CENPI: variants seen among roughly 807,000 people sequenced by gnomAD.
CENPI encodes FSH primary response 1.
In CENPI, 4 loss-of-function variants were observed where a neutral mutation model predicts 60.4. The ratio of observed to expected loss-of-function variants is 0.07; its 90% CI spans 0.03 to 0.15. The LOEUF (loss-of-function observed/expected upper bound fraction) is 0.15, where lower values mean the gene tolerates loss of function less well. CENPI is among the 10% of genes least tolerant of loss of function. The pLI, the probability that CENPI is intolerant of heterozygous loss-of-function variation, is 1.00. For missense variants in CENPI, 444 were observed against 534.5 expected (o/e 0.83, Z 1.67); for synonymous variants, 157 against 189.4 (o/e 0.83, Z 1.40).
intron 8 of CENPI, 45 bp downstream of exon 8, chrX:101,120,829 A>G: frequency 9.7e-7 from 1 of 1,033,584 alleles, no homozygotes; most frequent in Admixed American, 2.3e-5. Context: ...ACTATGTGCC[A>G]GGTACTGAGC....
chrX:101,171,505 C>T, the CENPI span, among the ~76,000 whole-genome samples: 119 of 111,702 alleles, frequency 1.1e-3, no homozygotes, highest in African/African-American at 3.6e-3. Flanking sequence ...GGCGCAAACA[C>T]GGCTCATTGC....
At chrX:101,100,752 T>C (rs997581689) in intron 2 of CENPI, 52 of 222,453 alleles carry the variant, frequency 2.3e-4, no homozygotes, top group Non-Finnish European at 3.6e-4. Context: ...CCCACTTATA[T>C]GACATAGCCA....
At chrX:101,104,350 T>G (rs1477395886) in intron 4 of CENPI, among the ~76,000 whole-genome samples, 2 of 112,342 alleles carry the variant, frequency 1.8e-5, no homozygotes, top group Non-Finnish European at 3.8e-5. Context: ...TTGGAAGAGG[T>G]TCTTAGAAAT....
At chrX:101,170,529 AAG>A, downstream of CENPI, among the ~76,000 whole-genome samples, 1 of 112,562 alleles carries the variant, frequency 8.9e-6, no homozygotes, top group Non-Finnish European at 1.9e-5. Flanking sequence ...TGTTTTAAAA[AAG>A]TAGACAATCT....
rs373394632 is a variant in CENPI, at chrX:101,126,736, T to C, written c.715T>C (p.Leu239=). 67 of 1,209,662 alleles carry C rather than the reference T, an allele frequency of 5.5e-5. No homozygotes were observed. Among genetic ancestry groups the C allele is most frequent in the Non-Finnish European group, 7.5e-5 (67 of 893,620 alleles). ...AATGCAGCCTCATCTCCAGGCTTTG[T>C]TGTCACTGTATAAGTTCTTTGCTCC... ...MGMQPHLQAL[L]SLYKFFAPAL... Residue 239 remains leucine, a synonymous_variant, in exon 9 of 22, where the codon TTG becomes CTG. Coordinates refer to ENST00000682095, the MANE Select transcript of CENPI (RefSeq NM_001386188.2).
chrX:101,171,706 C>T, the CENPI span, among the ~76,000 whole-genome samples: 3 of 112,006 alleles, frequency 2.7e-5, no homozygotes, highest in Non-Finnish European at 3.8e-5. Context: ...GCATTACAGG[C>T]GTGTGCCACT....
intron 18 of CENPI, among the ~76,000 whole-genome samples, chrX:101,146,867 T>C (rs2089966470): frequency 9.0e-6 from 1 of 110,880 alleles, no homozygotes; most frequent in Admixed American, 9.7e-5. Flanking sequence ...CCCGAGTAGC[T>C]GGGATTACAG....
chrX:101,102,387 A>G lies in CENPI; in HGVS notation c.340A>G (p.Asn114Asp), dbSNP rs768642126. 4.9e-5 allele frequency: 58 copies of G among 1,185,745 alleles called. No homozygotes were observed. In the East Asian group the frequency reaches 1.7e-3, roughly 36 times the overall value. The change falls in exon 4 of 22, where the codon AAT becomes GAT. Residue 114 changes from asparagine to aspartate, a missense_variant. By Grantham distance (23) the Asn-to-Asp change is conservative (BLOSUM62 1). Coordinates refer to ENST00000682095, the MANE Select transcript of CENPI (RefSeq NM_001386188.2). ...TTCAGAAGAAATTGATATTCTATTA[A>G]ATATTGCACTCAGTGGCAAATTTGG... Reference protein sequence around the residue: ...LASEEIDILLNIALSGKFGNA... With the variant: ...LASEEIDILLDIALSGKFGNA...
At position 101,135,322 on chromosome X, in the gene CENPI, C is replaced by T. The variant is rs142232900; in HGVS notation, c.1470+2866C>T. 4.8e-3 allele frequency among the ~76,000 whole-genome samples: 536 copies of T among 110,550 alleles called. 2 individuals are homozygous for T. The highest frequency in any genetic ancestry group is 0.017 in the African/African-American group (514 of 30,460). ...ACTGGTGTAACTGAGGTATTGATGGCAGGACATGATGCAGAGTTCTAAGGT... is the reference window on the plus strand; with the variant it reads ...ACTGGTGTAACTGAGGTATTGATGGTAGGACATGATGCAGAGTTCTAAGGT... On this transcript the variant is annotated intron_variant, in intron 15 of 21. Coordinates refer to ENST00000682095, the MANE Select transcript of CENPI (RefSeq NM_001386188.2).
chrX:101,143,069 C>CAA (rs5903179), intron 16 of CENPI, among the ~76,000 whole-genome samples: 11,983 of 64,584 alleles, frequency 0.19, 1,158 homozygotes, highest in Non-Finnish European at 0.22. Flanking sequence ...GACTCCATCT[C>CAA]AAAAAAAAAA....
chrX:101,101,394 C>T (rs2089414981), intron 3 of CENPI, 98 bp downstream of exon 3: 3 of 613,258 alleles, frequency 4.9e-6, no homozygotes, highest in East Asian at 7.0e-5. Flanking sequence ...TAATTTTGCT[C>T]ATTCATGCTT....
intron 6 of CENPI, among the ~76,000 whole-genome samples, chrX:101,113,282 TACACACAC>T (rs533672702): frequency 0.28 from 23,851 of 83,705 alleles, 2,980 homozygotes; most frequent in Middle Eastern, 0.42. Flanking sequence ...TCCATCCCTT[TACACACAC>T]ACACACACAC....
chrX:101,116,434 G>A (rs1482552878), intron 6 of CENPI, among the ~76,000 whole-genome samples: 1 of 111,250 alleles, frequency 9.0e-6, no homozygotes, highest in Non-Finnish European at 1.9e-5. Context: ...GATGTGCATA[G>A]ATTATATGCA....
chrX:101,149,909 G>T (rs962055510), intron 20 of CENPI, among the ~76,000 whole-genome samples: 4 of 110,620 alleles, frequency 3.6e-5, no homozygotes, highest in African/African-American at 1.3e-4. Context: ...AAATAGTTCT[G>T]ATATACAACA....
intron 8 of CENPI, among the ~76,000 whole-genome samples, chrX:101,124,090 A>AGT (rs397842781): frequency 0.12 from 10,799 of 88,049 alleles, 653 homozygotes; most frequent in East Asian, 0.28. Context: ...TATAGAATCA[A>AGT]GTGTGTGTGT....
rs181351381 is a variant in CENPI, at chrX:101,101,775, G to A, written c.226+479G>A. On this transcript the variant is annotated intron_variant, in intron 3 of 21. Coordinates refer to ENST00000682095, the MANE Select transcript of CENPI (RefSeq NM_001386188.2). The stretch of plus-strand genomic sequence containing the variant: ...AGTGCTTTTAGTTTAGAATAGGAAT[G>A]TCAGGGCATAATCCAGCTTTCCTCA... 1.2e-3 allele frequency among the ~76,000 whole-genome samples: 138 copies of A among 112,486 alleles called. 1 individual carries two copies. The highest frequency in any genetic ancestry group is 4.2e-3 in the African/African-American group (130 of 31,047).
At chrX:101,170,920 T>G (rs772838851), downstream of CENPI, among the ~76,000 whole-genome samples, 5 of 111,977 alleles carry the variant, frequency 4.5e-5, no homozygotes, top group African/African-American at 6.5e-5. Flanking sequence ...AGTGAGCCAC[T>G]GCACCTGGCC....
At position 101,130,129 on chromosome X, in the gene CENPI, G is replaced by C. The variant is rs2089780402; in HGVS notation, c.1287+56G>C. ...ACCACTCTTTACTAAAATTTATTTA[G>C]ATATCCATTGAAAACCTTTTCTTGC... On this transcript the variant is annotated intron_variant, in intron 13 of 21. Coordinates refer to ENST00000682095, the MANE Select transcript of CENPI (RefSeq NM_001386188.2). The C allele has an allele frequency of 4.5e-6, 4 of 896,793 alleles. No individual in the cohort carries two copies. The Admixed American group carries it at 9.2e-5, about 21-fold the overall frequency. The allele number at this position is 896,793 out of a possible 1,213,427, so 73.9% of individuals were successfully genotyped here.
In CENPI at chrX:101,120,727, A is replaced by G. The variant is rs762536251; in HGVS notation, c.641-11A>G. ...CAAATGCATAGTACGTCTTTCCTTTATGTTTTCTAGTCAAACCATTTCGTG... is the reference window on the plus strand; with the variant it reads ...CAAATGCATAGTACGTCTTTCCTTTGTGTTTTCTAGTCAAACCATTTCGTG... On this transcript the variant is annotated splice_polypyrimidine_tract_variant and intron_variant, in intron 7 of 21. Coordinates refer to ENST00000682095, the MANE Select transcript of CENPI (RefSeq NM_001386188.2). The G allele has an allele frequency of 1.4e-5, 17 of 1,203,787 alleles. No homozygotes were observed. Among genetic ancestry groups the G allele is most frequent in the South Asian group, 1.1e-4 (6 of 56,340 alleles).
Sources: allele counts gnomAD v4.1 joint callset (sites outside exome capture counted in the v4.1 genomes callset), GRCh38; gene constraint gnomAD v4.1.1; transcripts MANE v1.5; gene names NCBI Gene and HGNC (gene_info 2026-07-23, HGNC 2026-07-21).